The following CD180 variants were observed in gnomAD, a reference collection of about 807,000 sequenced individuals.
CD180 encodes the protein CD180 molecule, also known as CD180 antigen.
A neutral mutation model predicts 10.7 loss-of-function variants in CD180; 11 were observed. The observed-to-expected ratio is 1.03, with a 90% CI of 0.65 to 1.70. CD180 has a LOEUF of 1.70. Ranked by LOEUF, CD180 falls within the 40% of genes most tolerant of loss-of-function variation. The pLI is 0.00. For synonymous variants in CD180, 286 were observed against 294.6 expected (o/e 0.97, Z 0.30); for missense variants, 729 against 775.2 (o/e 0.94, Z 0.71).
intron 1 of CD180, among the ~76,000 whole-genome samples, chr5:67,187,751 A>C (rs1293212712): frequency 1.3e-5 from 2 of 152,198 alleles, no homozygotes; most frequent in Non-Finnish European, 2.9e-5. Flanking sequence ...CTATGCTTTG[A>C]ATATGTCCTC....
chr5:67,184,498 G>A lies in CD180; in HGVS notation c.345C>T (p.Phe115=), dbSNP rs770454021. 1.2e-6 allele frequency: 2 copies of A among 1,613,962 alleles called. No homozygotes were observed. The highest frequency in any genetic ancestry group is 1.3e-5 in the African/African-American group (1 of 74,944). The part of the protein sequence containing the change: ...TLVLTGNPLI[F]MAETSLNGPK... Reference sequence around the variant, plus strand: ...GCCCATTAAGCGATGTTTCTGCCATGAATATCAGGGGATTTCCAGTTAACA... The same window carrying A: ...GCCCATTAAGCGATGTTTCTGCCATAAATATCAGGGGATTTCCAGTTAACA... The change falls in exon 3 of 3, where the codon TTC becomes TTT. Residue 115 remains phenylalanine (F), a synonymous_variant. Transcript: ENST00000256447.
At chr5:67,193,410 A>T (rs1399614310) in intron 1 of CD180, among the ~76,000 whole-genome samples, 2 of 152,234 alleles carry the variant, frequency 1.3e-5, no homozygotes, top group African/African-American at 2.4e-5. Context: ...CCTTGCCAGC[A>T]GCCTGGAAAG....
At chr5:67,184,985 G>C (rs1449354241) in intron 2 of CD180, among the ~76,000 whole-genome samples, 2 of 151,312 alleles carry the variant, frequency 1.3e-5, no homozygotes, top group African/African-American at 2.4e-5. Flanking sequence ...TGTCATCCCG[G>C]GCAAGTTACA....
At chr5:67,195,380 C>G (rs1742380540) in intron 1 of CD180, among the ~76,000 whole-genome samples, 1 of 152,134 alleles carries the variant, frequency 6.6e-6, no homozygotes, top group African/African-American at 2.4e-5. Flanking sequence ...CCATGCCCAG[C>G]TAATATTTGT....
At chr5:67,194,555 C>G (rs772545171) in intron 1 of CD180, among the ~76,000 whole-genome samples, 3 of 152,182 alleles carry the variant, frequency 2.0e-5, no homozygotes, top group Non-Finnish European at 4.4e-5. Context: ...CCAAACTATC[C>G]TTGAAAACTC....
chr5:67,193,578 A>T (rs1487365806), intron 1 of CD180, among the ~76,000 whole-genome samples: 1 of 152,230 alleles, frequency 6.6e-6, no homozygotes, highest in Non-Finnish European at 1.5e-5. Context: ...TACAGATCTG[A>T]TGCTAACTGA....
rs1742051789 is a variant in CD180, at chr5:67,181,744, A to G, written c.*1113T>C. On this transcript the variant is annotated 3_prime_UTR_variant, in exon 3 of 3. Coordinates refer to ENST00000256447, the MANE Select transcript of CD180 (RefSeq NM_005582.3). ...GAGTATGGCCCTTTAAGCCTAAGTC[A>G]TGACATTGCTCTTTGTCTATCTGCA... 6.6e-6 allele frequency: 1 copy of G among 152,214 alleles called. No individual in the cohort carries two copies. Among genetic ancestry groups the G allele is most frequent in the Admixed American group, 6.5e-5 (1 of 15,284 alleles). The allele number at this position is 152,214 out of a possible 1,614,324, so 9.4% of individuals were successfully genotyped here.
In CD180 at chr5:67,184,056, T is replaced by C; in HGVS notation, c.787A>G (p.Ile263Val). The change falls in exon 3 of 3, where the codon ATT (isoleucine) becomes GTT (valine). Residue 263 changes from isoleucine to valine, a missense_variant. Ile to Val is a conservative substitution (Grantham distance 29). Transcript: ENST00000256447. ...GTFEDIDDED[I>V]SSAMLKGLCE... ...AGTCCCTTGAGCATGGCTGAACTAA[T>C]ATCTTCGTCATCAATGTCCTCAAAT... 6.2e-7 allele frequency: 1 copy of C among 1,614,222 alleles called. No homozygotes were observed. The highest frequency in any genetic ancestry group is 8.5e-7 in the Non-Finnish European group (1 of 1,180,044).
intron 1 of CD180, among the ~76,000 whole-genome samples, chr5:67,188,221 A>G (rs1385507599): frequency 2.0e-5 from 3 of 152,032 alleles, no homozygotes; most frequent in Non-Finnish European, 4.4e-5. Flanking sequence ...TGCTCTGTCC[A>G]CATGCTTGCT....
chr5:67,196,629 C>G lies in CD180; in HGVS notation c.13G>C (p.Val5Leu). The G allele has an allele frequency of 6.2e-7, 1 of 1,613,840 alleles. No individual in the cohort carries two copies. The change falls in exon 1 of 3, where the codon GTC (valine) becomes CTC (leucine). Residue 5 changes from valine (V) to leucine (L), a missense_variant. Val to Leu is a conservative substitution (Grantham distance 32). Coordinates refer to ENST00000256447, the MANE Select transcript of CD180 (RefSeq NM_005582.3). MAFD[V>L]SCFFWVVLFS... ...AGCACCACCCAAAAGAAGCAGCTGACGTCAAACGCCATCACAGGCTAGGAT... is the reference window on the plus strand; with the variant it reads ...AGCACCACCCAAAAGAAGCAGCTGAGGTCAAACGCCATCACAGGCTAGGAT...
chr5:67,189,567 A>T (rs1742262810), intron 1 of CD180, among the ~76,000 whole-genome samples: 1 of 152,226 alleles, frequency 6.6e-6, no homozygotes, highest in African/African-American at 2.4e-5. Context: ...AGCTGATAAG[A>T]GAATTTAGAA....
At position 67,184,495 on chromosome 5, in the gene CD180, CATGAAT is replaced by C. The variant is rs1220556495; in HGVS notation, c.342_347del (p.Ile114_Phe115del). ...TGGGCCCATTAAGCGATGTTTCTGC[CATGAAT>C]ATCAGGGGATTTCCAGTTAACACAA... On this transcript the variant is annotated inframe_deletion, in exon 3 of 3. Transcript: ENST00000256447. 1 of 1,614,080 alleles carries C rather than the reference CATGAAT, an allele frequency of 6.2e-7. No individual in the cohort carries two copies.
chr5:67,182,514 G>A lies in CD180; in HGVS notation c.*343C>T. 1 of 181,764 alleles carries A rather than the reference G, an allele frequency of 5.5e-6. No individual in the cohort carries two copies. The highest frequency in any genetic ancestry group is 1.4e-4 in the South Asian group (1 of 6,984). The allele number at this position is 181,764 out of a possible 1,614,324, so 11.3% of individuals were successfully genotyped here. A position where few individuals can be genotyped will look rare whatever the true frequency, so the allele number is the denominator to read the frequency against. ...GTGTGTGGTGCTGGGAGGGATGTCGGTGAGTAGAAGGGGAATGGCCTCCCT... is the reference window on the plus strand; with the variant it reads ...GTGTGTGGTGCTGGGAGGGATGTCGATGAGTAGAAGGGGAATGGCCTCCCT... On this transcript the variant is annotated 3_prime_UTR_variant, in exon 3 of 3. Transcript: ENST00000256447.
rs74683094 is a variant in CD180, at chr5:67,184,097, G to T, written c.746C>A (p.Ser249Tyr). The change falls in exon 3 of 3, where the codon TCT becomes TAT. Residue 249 changes from serine to tyrosine, a missense_variant. Coordinates refer to ENST00000256447, the MANE Select transcript of CD180 (RefSeq NM_005582.3). ...FNGLQNSTTQ[S>Y]LWLGTFEDID... is the part of the protein sequence containing the mutation. Reference sequence around the variant, plus strand: ...GTCCTCAAATGTTCCCAGCCAGAGAGACTGAGTAGTAGAGTTCTGCAGACC... The same window carrying T: ...GTCCTCAAATGTTCCCAGCCAGAGATACTGAGTAGTAGAGTTCTGCAGACC... The T allele has an allele frequency of 3.1e-6, 5 of 1,614,172 alleles. No homozygotes were observed. Among genetic ancestry groups the T allele is most frequent in the Non-Finnish European group, 4.2e-6 (5 of 1,180,014 alleles).
rs925777370 is a variant in CD180 at position 67,183,449 on chromosome 5, A to G, written c.1394T>C (p.Leu465Pro). Residue 465 changes from leucine to proline, a missense_variant, in exon 3 of 3, where the codon CTA becomes CCA. Transcript: ENST00000256447. ...ATGCCGGAGAACTGGTAGGCCTGCT[A>G]GAAGATGCTGATTGCTGGTATCAAG... is the stretch of plus-strand genomic sequence containing the variant. ...CFLDTSNQHL[L>P]AGLPVLRHLN... The G allele has an allele frequency of 9.3e-6, 15 of 1,614,234 alleles. No homozygotes were observed. Among genetic ancestry groups the G allele is most frequent in the Non-Finnish European group, 1.2e-5 (14 of 1,180,042 alleles).
chr5:67,184,317 T>G lies in CD180; in HGVS notation c.526A>C (p.Lys176Gln), dbSNP rs200262932. The G allele has an allele frequency of 1.1e-5, 18 of 1,614,098 alleles. No homozygotes were observed. In the East Asian group the frequency reaches 4.0e-4, roughly 36 times the overall value. The part of the protein sequence containing the change: ...FPKDFPARNL[K>Q]VLDFQNNAIH... Reference sequence around the variant, plus strand: ...GCATTATTCTGAAAATCCAGTACTTTCAGATTCCGTGCTGGGAAGTCTTTG... The same window carrying G: ...GCATTATTCTGAAAATCCAGTACTTGCAGATTCCGTGCTGGGAAGTCTTTG... Residue 176 changes from lysine to glutamine, a missense_variant, in exon 3 of 3, where the codon AAA becomes CAA. By Grantham distance (53) the Lys-to-Gln change is moderately conservative. Transcript: ENST00000256447.
chr5:67,187,854 G>C (rs1221265044), intron 1 of CD180, among the ~76,000 whole-genome samples: 3 of 152,154 alleles, frequency 2.0e-5, no homozygotes, highest in African/African-American at 7.2e-5. Context: ...CCACACTCAT[G>C]AATGAATTAA....
rs1742048537 is a variant in CD180 at position 67,181,566 on chromosome 5, T to C, written c.*1291A>G. 1 of 152,224 alleles carries C rather than the reference T, an allele frequency of 6.6e-6. No individual in the cohort carries two copies. Among genetic ancestry groups the C allele is most frequent in the Admixed American group, 6.5e-5 (1 of 15,288 alleles). The allele number at this position is 152,224 out of a possible 1,614,324, so 9.4% of individuals were successfully genotyped here. On this transcript the variant is annotated 3_prime_UTR_variant, in exon 3 of 3. Transcript: ENST00000256447. ...TTCTGATTGGTTGGATCCATTTTTA[T>C]TTTGTTAGCTTATCAGAATTTCATA...
chr5:67,196,740 T>C lies in CD180; in HGVS notation c.-99A>G, dbSNP rs560749564. On this transcript the variant is annotated 5_prime_UTR_variant, in exon 1 of 3. Coordinates refer to ENST00000256447, the MANE Select transcript of CD180 (RefSeq NM_005582.3). ...GGCAATTTGGCAGCCAGAGAGGTACTCAGAAGGGTGATCTTGGAACAAGAA... is the reference window on the plus strand; with the variant it reads ...GGCAATTTGGCAGCCAGAGAGGTACCCAGAAGGGTGATCTTGGAACAAGAA... 6.7e-7 allele frequency: 1 copy of C among 1,499,704 alleles called. No individual in the cohort carries two copies. The highest frequency in any genetic ancestry group is 2.5e-5 in the East Asian group (1 of 40,072). 92.9% of individuals were successfully genotyped at this position (1,499,704 alleles called of 1,614,324 possible).
Sources: gnomAD v4.1 joint callset for allele counts (sites outside exome capture counted in the v4.1 genomes callset) on GRCh38, gnomAD v4.1.1 for gene constraint, MANE v1.5 for transcripts, NCBI Gene and HGNC (gene_info 2026-07-23, HGNC 2026-07-21) for gene names.